CLEC16A: variants seen among roughly 807,000 people sequenced by gnomAD.
CLEC16A encodes the protein protein CLEC16A.
In CLEC16A, 51 loss-of-function variants were observed where a neutral mutation model predicts 109.5. The observed-to-expected ratio is 0.47, with a 90% CI of 0.37 to 0.59. The LOEUF (loss-of-function observed/expected upper bound fraction) is 0.59, where lower values mean the gene tolerates loss of function less well. CLEC16A is among the 20% of genes least tolerant of loss of function. The pLI, the probability that CLEC16A is intolerant of heterozygous loss-of-function variation, is 0.00. For synonymous variants in CLEC16A, 673 were observed against 564.2 expected (o/e 1.19, Z -2.73); for missense variants, 1,339 against 1,394.0 (o/e 0.96, Z 0.63).
At chr16:11,004,022 A>G (rs1204111623) in intron 11 of CLEC16A, among the ~76,000 whole-genome samples, 1 of 152,158 alleles carries the variant, frequency 6.6e-6, no homozygotes, top group African/African-American at 2.4e-5. Flanking sequence ...TGAAAAATCA[A>G]ATATAATTCT....
intron 22 of CLEC16A, 66 bp from the exon 23 acceptor site, chr16:11,166,322 C>A: frequency 6.7e-7 from 1 of 1,497,772 alleles, no homozygotes; most frequent in South Asian, 1.3e-5. Flanking sequence ...TCAGTGGAAC[C>A]ATGACATTGA....
At chr16:11,039,055 C>T (rs1182679121) in intron 13 of CLEC16A, among the ~76,000 whole-genome samples, 1 of 152,090 alleles carries the variant, frequency 6.6e-6, no homozygotes, top group Non-Finnish European at 1.5e-5. Context: ...GCCTGGATTT[C>T]CTCAAGCGTA....
chr16:11,121,355 T>C (rs544343813), intron 20 of CLEC16A, among the ~76,000 whole-genome samples: 4 of 152,194 alleles, frequency 2.6e-5, no homozygotes, highest in Non-Finnish European at 5.9e-5. Context: ...TCTTACTTCT[T>C]TATGCACTTG....
intron 20 of CLEC16A, 57 bp downstream of exon 20, chr16:11,120,823 C>CAG: frequency 8.0e-7 from 1 of 1,245,536 alleles, no homozygotes; most frequent in South Asian, 2.1e-5. Context: ...CACACACACA[C>CAG]ACACACACAC....
At chr16:11,073,026 C>T (rs754114587) in intron 19 of CLEC16A, among the ~76,000 whole-genome samples, 1 of 152,162 alleles carries the variant, frequency 6.6e-6, no homozygotes, top group East Asian at 1.9e-4. Flanking sequence ...CAGATGGCTC[C>T]TTGGGGGCAA....
intron 13 of CLEC16A, among the ~76,000 whole-genome samples, chr16:11,036,260 C>T (rs538771387): frequency 6.6e-6 from 1 of 152,166 alleles, no homozygotes; most frequent in South Asian, 2.1e-4. Flanking sequence ...CGAAGCCTTG[C>T]CTGTCCCTTC....
chr16:11,110,517 C>T (rs1476967176), intron 19 of CLEC16A, among the ~76,000 whole-genome samples: 1 of 149,814 alleles, frequency 6.7e-6, no homozygotes, highest in East Asian at 1.9e-4. Flanking sequence ...TTTTCTCCCT[C>T]TGAAGAGACT....
intron 18 of CLEC16A, among the ~76,000 whole-genome samples, chr16:11,059,587 A>G (rs2152901397): frequency 6.6e-6 from 1 of 152,088 alleles, no homozygotes; most frequent in African/African-American, 2.4e-5. Context: ...GCCCCTTTCT[A>G]GTTTTGGGAG....
intron 14 of CLEC16A, 114 bp from the exon 15 acceptor site, chr16:11,042,140 A>G: frequency 1.4e-6 from 1 of 694,840 alleles, no homozygotes; most frequent in South Asian, 1.8e-5. Context: ...GTTGGGAGCC[A>G]TGAGCAGTTG....
chr16:11,029,226 C>G (rs1039822582), intron 13 of CLEC16A, among the ~76,000 whole-genome samples: 1 of 152,178 alleles, frequency 6.6e-6, no homozygotes, highest in African/African-American at 2.4e-5. Flanking sequence ...TTCTGAGACT[C>G]TACTGTGTCC....
chr16:11,000,079 C>G (rs2044578748), intron 10 of CLEC16A, among the ~76,000 whole-genome samples: 1 of 152,194 alleles, frequency 6.6e-6, no homozygotes, highest in African/African-American at 2.4e-5. Context: ...CTCAGGTGAT[C>G]CACCTGCCTG....
intron 19 of CLEC16A, among the ~76,000 whole-genome samples, chr16:11,081,565 C>T (rs866757958): frequency 2.6e-5 from 4 of 152,266 alleles, no homozygotes; most frequent in African/African-American, 7.2e-5. Context: ...CCATCTGACC[C>T]TTCCACTCCC....
chr16:11,100,434 C>G (rs534766125), intron 19 of CLEC16A, among the ~76,000 whole-genome samples: 1 of 152,350 alleles, frequency 6.6e-6, no homozygotes, highest in East Asian at 1.9e-4. Flanking sequence ...CTGCTGATCT[C>G]TTTCTTAGCA....
chr16:10,964,866 C>T (rs137877238), intron 3 of CLEC16A, among the ~76,000 whole-genome samples: 3 of 152,220 alleles, frequency 2.0e-5, no homozygotes, highest in Non-Finnish European at 1.5e-5. Context: ...CACTTTTGTG[C>T]GTGTGTGTGG....
chr16:11,071,653 A>AG (rs1004015032), intron 19 of CLEC16A, among the ~76,000 whole-genome samples: 7 of 137,632 alleles, frequency 5.1e-5, no homozygotes, highest in African/African-American at 1.9e-4. Flanking sequence ...CCCAGGCTGG[A>AG]GTGCAGTATT....
At chr16:10,957,574 G>A (rs967016569) in intron 1 of CLEC16A, among the ~76,000 whole-genome samples, 8 of 152,182 alleles carry the variant, frequency 5.3e-5, no homozygotes, top group African/African-American at 1.9e-4. Flanking sequence ...GTCTCCGTCT[G>A]GGTTGGTGTG....
rs200373811 is a variant in CLEC16A, at chr16:11,120,706, G to A, written c.2208G>A (p.Leu736=). ...CTGTGGATATTTACCAGATGAGTTTGGTGGAGCCTGATGTGTCCAGGCTTG... is the reference window on the plus strand; with the variant it reads ...CTGTGGATATTTACCAGATGAGTTTAGTGGAGCCTGATGTGTCCAGGCTTG... The part of the protein sequence containing the change: ...FLAVDIYQMS[L]VEPDVSRLGW... Residue 736 remains leucine (L), a synonymous_variant, in exon 20 of 24, where the codon TTG becomes TTA. Coordinates refer to ENST00000409790, the MANE Select transcript of CLEC16A (RefSeq NM_015226.3). The A allele has an allele frequency of 2.5e-6, 4 of 1,608,056 alleles. No individual in the cohort carries two copies. Among genetic ancestry groups the A allele is most frequent in the Non-Finnish European group, 3.4e-6 (4 of 1,177,260 alleles).
Position 10,979,391 on chromosome 16 carries a change from G to T in CLEC16A, c.957+9G>T. On this transcript the variant is annotated intron_variant, in intron 9 of 23. Transcript: ENST00000409790. ...TTTATCTTCTGTCACAGGTATGCTTGATCATTCACCAATGTCCCCACTACA... is the reference window on the plus strand; with the variant it reads ...TTTATCTTCTGTCACAGGTATGCTTTATCATTCACCAATGTCCCCACTACA... 6.2e-7 allele frequency: 1 copy of T among 1,612,106 alleles called. No individual in the cohort carries two copies.
chr16:11,028,696 G>A (rs967584119), intron 13 of CLEC16A, among the ~76,000 whole-genome samples: 3 of 152,290 alleles, frequency 2.0e-5, no homozygotes, highest in Non-Finnish European at 1.5e-5. Context: ...TTTGGGACAT[G>A]TATGGATAGG....
Sources: allele counts gnomAD v4.1 joint callset (sites outside exome capture counted in the v4.1 genomes callset), GRCh38; gene constraint gnomAD v4.1.1; transcripts MANE v1.5; gene names NCBI Gene and HGNC (gene_info 2026-07-23, HGNC 2026-07-21).